SEZ6L: variants seen among roughly 807,000 people sequenced by gnomAD.
The protein encoded by SEZ6L is seizure related 6 homolog like, also known as seizure 6-like protein.
SEZ6L carries 37 observed loss-of-function variants against 106.2 expected under a neutral mutation model. The ratio of observed to expected loss-of-function variants is 0.35; its 90% CI spans 0.27 to 0.46. SEZ6L has a LOEUF of 0.46. Among genes scored for constraint, SEZ6L ranks in the 20% least tolerant of loss-of-function variants. The probability of loss-of-function intolerance (pLI) is 1.00; values close to 1 mark genes in which losing one functional copy is unlikely to be tolerated. For synonymous variants in SEZ6L, 541 were observed against 570.4 expected (o/e 0.95, Z 0.73); for missense variants, 1,172 against 1,332.8 (o/e 0.88, Z 1.88).
At chr22:26,220,704 GC>G (rs1288676778) in intron 1 of SEZ6L, among the ~76,000 whole-genome samples, 1 of 152,198 alleles carries the variant, frequency 6.6e-6, no homozygotes, top group African/African-American at 2.4e-5. Flanking sequence ...GCAATCCCCT[GC>G]CTGTCCCTCC....
At position 26,382,243 on chromosome 22, in the gene SEZ6L, A is replaced by C. The variant is rs2084431867; in HGVS notation, c.*1948A>C. On this transcript the variant is annotated 3_prime_UTR_variant, in exon 17 of 17. Coordinates refer to ENST00000248933, the MANE Select transcript of SEZ6L (RefSeq NM_021115.5). ...ACAATGTCATGTTTGGAGAAAGATA[A>C]CAACACAAATAATGTAACCTTTCCT... 3 of 243,622 alleles carry C rather than the reference A, an allele frequency of 1.2e-5. No homozygotes were observed. Among genetic ancestry groups the C allele is most frequent in the Non-Finnish European group, 2.5e-5 (3 of 118,298 alleles). The allele number at this position is 243,622 out of a possible 1,614,324, so 15.1% of individuals were successfully genotyped here.
At position 26,383,083 on chromosome 22, in the gene SEZ6L, T is replaced by C. The variant is rs565743820; in HGVS notation, c.*2788T>C. 1 of 151,540 alleles carries C rather than the reference T, an allele frequency of 6.6e-6. No individual in the cohort carries two copies. Among genetic ancestry groups the C allele is most frequent in the East Asian group, 1.9e-4 (1 of 5,168 alleles). 9.4% of individuals were successfully genotyped at this position (151,540 alleles called of 1,614,324 possible). On this transcript the variant is annotated 3_prime_UTR_variant, in exon 17 of 17. Coordinates refer to ENST00000248933, the MANE Select transcript of SEZ6L (RefSeq NM_021115.5). Reference sequence around the variant, plus strand: ...TCAGCTTTTTGCTTTTTTTTTTTTTTTTTTGTAGAATTATTTAGCTAACAT... The same window carrying C: ...TCAGCTTTTTGCTTTTTTTTTTTTTCTTTTGTAGAATTATTTAGCTAACAT...
intron 1 of SEZ6L, among the ~76,000 whole-genome samples, chr22:26,269,256 A>G (rs2080285579): frequency 6.6e-6 from 1 of 152,180 alleles, no homozygotes. Context: ...TCCCACCTAC[A>G]TCAGTGGGTC....
chr22:26,309,202 A>G (rs1284014118), intron 6 of SEZ6L, among the ~76,000 whole-genome samples: 2 of 152,228 alleles, frequency 1.3e-5, no homozygotes, highest in East Asian at 3.8e-4. Flanking sequence ...GGTTTTCTTC[A>G]CCATTTTTGC....
chr22:26,340,409 G>T, intron 9 of SEZ6L, 27 bp from the exon 10 acceptor site: 4 of 1,580,784 alleles, frequency 2.5e-6, no homozygotes, highest in South Asian at 1.2e-5. Flanking sequence ...TATTTCACAT[G>T]ACTCTCCCTC....
Position 26,299,099 on chromosome 22 carries a change from G to T in SEZ6L, c.1278G>T (p.Gln426His). The change falls in exon 5 of 17, where the codon CAG becomes CAT. Residue 426 changes from glutamine (Q) to histidine (H), a missense_variant. Physicochemically the swap from Gln to His is conservative, Grantham distance 24. Transcript: ENST00000248933. ...HFHCHLGYEL[Q>H]GAKMLTCINA... ...ACTGCCACCTGGGCTATGAGCTCCA[G>T]GGCGCTAAGATGCTGACATGCATCA... The T allele has an allele frequency of 6.2e-7, 1 of 1,607,366 alleles. No homozygotes were observed. Among genetic ancestry groups the T allele is most frequent in the Non-Finnish European group, 8.5e-7 (1 of 1,177,170 alleles).
intron 1 of SEZ6L, among the ~76,000 whole-genome samples, chr22:26,175,777 A>T (rs1359474084): frequency 1.3e-5 from 2 of 152,148 alleles, no homozygotes; most frequent in South Asian, 2.1e-4. Flanking sequence ...GTAAGCCCCT[A>T]AATTCAGGAC....
chr22:26,348,634 A>G (rs1267420617), intron 11 of SEZ6L, among the ~76,000 whole-genome samples: 18 of 33,786 alleles, frequency 5.3e-4, no homozygotes, highest in East Asian at 4.3e-3. Flanking sequence ...GAAAGAAAGA[A>G]AGAAAGAAAG....
In SEZ6L at chr22:26,316,579, C is replaced by T. The variant is rs1316391527; in HGVS notation, c.2015+2677C>T. Among the ~76,000 whole-genome samples the T allele has an allele frequency of 1.3e-5, 2 of 152,082 alleles. 1 individual carries two copies. ...AGGCATGGTGGCTCAGGCTTGTAAT[C>T]CCAGCACTTTGGGAGGCTGAGGTGG... is the stretch of plus-strand genomic sequence containing the variant. On this transcript the variant is annotated intron_variant, in intron 9 of 16. Coordinates refer to ENST00000248933, the MANE Select transcript of SEZ6L (RefSeq NM_021115.5).
chr22:26,210,514 T>C (rs949324761), intron 1 of SEZ6L, among the ~76,000 whole-genome samples: 1 of 152,192 alleles, frequency 6.6e-6, no homozygotes, highest in African/African-American at 2.4e-5. Context: ...GTGGTGATAA[T>C]TTAATGTAAT....
At chr22:26,208,057 G>C (rs1168473468) in intron 1 of SEZ6L, among the ~76,000 whole-genome samples, 5 of 151,896 alleles carry the variant, frequency 3.3e-5, no homozygotes, top group East Asian at 3.9e-4. Flanking sequence ...CTACAGGCGC[G>C]CGCCACCATG....
intron 1 of SEZ6L, among the ~76,000 whole-genome samples, chr22:26,280,706 T>C (rs940484707): frequency 1.3e-5 from 2 of 152,176 alleles, no homozygotes; most frequent in African/African-American, 2.4e-5. Flanking sequence ...TGAATCTATA[T>C]TGACATAGGG....
At chr22:26,306,194 G>A in intron 6 of SEZ6L, 50 bp downstream of exon 6, 1 of 1,590,614 alleles carries the variant, frequency 6.3e-7, no homozygotes, top group African/African-American at 1.3e-5. Flanking sequence ...CAGAATATTA[G>A]AACATGGCTT....
chr22:26,289,342 A>G lies in SEZ6L; in HGVS notation c.95-3064A>G, dbSNP rs1266186470. Among the ~76,000 whole-genome samples, 5 of 152,242 alleles carry G rather than the reference A, an allele frequency of 3.3e-5. No individual in the cohort carries two copies. The East Asian group carries it at 9.6e-4, about 29-fold the overall frequency. On this transcript the variant is annotated intron_variant, in intron 1 of 16. Transcript: ENST00000248933. ...TCATTTTAGAAAAGCGACAGTGAGC[A>G]TAAAAGCCATTGTTTTGAGGCAGAT...
At chr22:26,367,475 C>CT (rs2083858642) in intron 13 of SEZ6L, among the ~76,000 whole-genome samples, 1 of 152,122 alleles carries the variant, frequency 6.6e-6, no homozygotes, top group South Asian at 2.1e-4. Context: ...TCGCGAGTGG[C>CT]TGGGACCACA....
chr22:26,292,944 G>A lies in SEZ6L; in HGVS notation c.633G>A (p.Val211=). The A allele has an allele frequency of 3.7e-6, 6 of 1,614,062 alleles. No individual in the cohort carries two copies. Among genetic ancestry groups the A allele is most frequent in the Non-Finnish European group, 5.1e-6 (6 of 1,179,986 alleles). ...CCCCCTTCACTTCGCAGCCCTATGTGGCCCACACACTCCCCCAGAGGCCAG... is the reference window on the plus strand; with the variant it reads ...CCCCCTTCACTTCGCAGCCCTATGTAGCCCACACACTCCCCCAGAGGCCAG... The part of the protein sequence containing the change: ...QISPFTSQPY[V]AHTLPQRPEP... Residue 211 remains valine, a synonymous_variant, in exon 2 of 17, where the codon GTG becomes GTA. Transcript: ENST00000248933.
intron 1 of SEZ6L, among the ~76,000 whole-genome samples, chr22:26,210,778 C>A (rs867109945): frequency 2.6e-4 from 40 of 152,274 alleles, no homozygotes; most frequent in African/African-American, 9.1e-4. Context: ...CAAAACTAGC[C>A]CACATGCATT....
At chr22:26,227,860 C>A in intron 1 of SEZ6L, among the ~76,000 whole-genome samples, 1 of 152,218 alleles carries the variant, frequency 6.6e-6, no homozygotes, top group East Asian at 1.9e-4. Flanking sequence ...CAGGACTGGG[C>A]TGCTCACTTA....
intron 1 of SEZ6L, among the ~76,000 whole-genome samples, chr22:26,195,810 G>A (rs1205176057): frequency 6.6e-6 from 1 of 151,984 alleles, no homozygotes; most frequent in African/African-American, 2.4e-5. Context: ...TATAGTTTGT[G>A]TGTGTGTGTG....
Sources: gnomAD v4.1 joint callset for allele counts (sites outside exome capture counted in the v4.1 genomes callset) on GRCh38, gnomAD v4.1.1 for gene constraint, MANE v1.5 for transcripts, NCBI Gene and HGNC (gene_info 2026-07-23, HGNC 2026-07-21) for gene names.